Variants in PNPLA6 observed in about 807,000 individuals in gnomAD.
The protein encoded by PNPLA6 is patatin like domain 6, lysophospholipase, also known as patatin-like phospholipase domain-containing protein 6.
PNPLA6 carries 105 observed loss-of-function variants against 153.7 expected under a neutral mutation model. That is an observed-to-expected ratio of 0.68 (90% CI 0.58 to 0.80). The LOEUF (loss-of-function observed/expected upper bound fraction) is 0.80. Among genes scored for constraint, PNPLA6 ranks in the 30% least tolerant of loss-of-function variants. PNPLA6 has a pLI of 0.00. For missense variants in PNPLA6, 1,423 were observed against 1,919.3 expected, an observed-to-expected ratio of 0.74 and a Z score of 4.83; for synonymous variants, 825 against 822.2, an observed-to-expected ratio of 1.00 and a Z score of -0.06.
chr19:7,557,403 G>A, intron 27 of PNPLA6, 119 bp downstream of exon 27: 2 of 726,758 alleles, frequency 2.8e-6, no homozygotes, highest in Non-Finnish European at 5.0e-6. Flanking sequence ...TGCCCATGCA[G>A]GGGTGCAGAC....
chr19:7,544,003 G>A (rs1007396389), intron 13 of PNPLA6, among the ~76,000 whole-genome samples: 18 of 151,406 alleles, frequency 1.2e-4, no homozygotes, highest in African/African-American at 4.4e-4. Context: ...TTACTAGAGA[G>A]GGGGTTTCAC....
chr19:7,556,909 G>C, intron 26 of PNPLA6, 185 bp downstream of exon 26: 1 of 692,444 alleles, frequency 1.4e-6, no homozygotes, highest in Non-Finnish European at 2.6e-6. Context: ...CCGTCCTTGG[G>C]GGAGGGGAGC....
At chr19:7,537,311 G>A (rs540970340) in intron 3 of PNPLA6, among the ~76,000 whole-genome samples, 1 of 152,154 alleles carries the variant, frequency 6.6e-6, no homozygotes, top group Non-Finnish European at 1.5e-5. Context: ...GTTATCTCAG[G>A]CATCTCTGTA....
chr19:7,549,494 C>CTTCTTCTTTT (rs66673863), intron 13 of PNPLA6, among the ~76,000 whole-genome samples: 9 of 136,286 alleles, frequency 6.6e-5, no homozygotes, highest in East Asian at 2.1e-4. Flanking sequence ...CCTTCTTCTT[C>CTTCTTCTTTT]TTTTTTTTTT....
At chr19:7,536,390 C>T (rs1311720864) in intron 2 of PNPLA6, 59 bp from the exon 3 acceptor site, 1 of 1,426,896 alleles carries the variant, frequency 7.0e-7, no homozygotes, top group Non-Finnish European at 9.9e-7. Flanking sequence ...CTGGATCCGT[C>T]TGCCTCTTCT....
chr19:7,542,204 TATTC>T (rs1291516688), intron 10 of PNPLA6, 137 bp downstream of exon 10: 35 of 711,624 alleles, frequency 4.9e-5, no homozygotes, highest in Middle Eastern at 7.4e-4. Flanking sequence ...GTTTTGTAGA[TATTC>T]ATTGAGATAG....
Position 7,554,255 on chromosome 19 carries a change from G to C in PNPLA6, c.2448G>C (p.Gly816=). The change falls in exon 20 of 32, where the codon GGG becomes GGC. Residue 816 remains glycine, a synonymous_variant. Transcript: ENST00000600737. ...GTGACATCATCCGGGCACGCCTGGGGGCCTCCGCACTGGATAGGTGTGTGT... is the reference window on the plus strand; with the variant it reads ...GTGACATCATCCGGGCACGCCTGGGCGCCTCCGCACTGGATAGGTGTGTGT... ...LNSDIIRARL[G]ASALDSIQEF... The C allele has an allele frequency of 6.2e-7, 1 of 1,614,060 alleles. No homozygotes were observed. The highest frequency in any genetic ancestry group is 8.5e-7 in the Non-Finnish European group (1 of 1,179,952).
Position 7,541,816 on chromosome 19 carries a change from C to T in PNPLA6, c.1168+132C>T, listed in dbSNP as rs2023158427. ...CCCACAGGGACTCCATAGCGGGGTA[C>T]CCAGGTCTGACTCCTATCTGGTACC... On this transcript the variant is annotated intron_variant, in intron 9 of 31. Coordinates refer to ENST00000600737, the MANE Select transcript of PNPLA6 (RefSeq NM_001166114.2). The surrounding 1 kb of genome is among the most constrained non-coding windows in gnomAD (Gnocchi z 5.2). 1 of 1,173,262 alleles carries T rather than the reference C, an allele frequency of 8.5e-7. No individual in the cohort carries two copies. The highest frequency in any genetic ancestry group is 1.2e-6 in the Non-Finnish European group (1 of 817,154). 72.7% of individuals were successfully genotyped at this position (1,173,262 alleles called of 1,614,324 possible). A position where few individuals can be genotyped will look rare whatever the true frequency, so the allele number is the denominator to read the frequency against.
At chr19:7,548,561 A>G (rs886870926) in intron 13 of PNPLA6, among the ~76,000 whole-genome samples, 1 of 152,032 alleles carries the variant, frequency 6.6e-6, no homozygotes. Flanking sequence ...ACCTAATACA[A>G]TGTAAATGCT....
chr19:7,560,448 T>C (rs2146120743), intron 28 of PNPLA6, 200 bp from the exon 29 acceptor site: 1 of 634,332 alleles, frequency 1.6e-6, no homozygotes, highest in African/African-American at 1.8e-5. Context: ...CATGGAGAGA[T>C]TGATTGGTAA....
At position 7,550,549 on chromosome 19, in the gene PNPLA6, T is replaced by C. The variant is rs1217120922; in HGVS notation, c.1979T>C (p.Val660Ala). The change falls in exon 16 of 32, where the codon GTG (valine) becomes GCG (alanine). Residue 660 changes from valine to alanine, a missense_variant. By Grantham distance (64) the Val-to-Ala change is moderately conservative (BLOSUM62 0). This residue lies in a region of PNPLA6 where 63 missense variants were observed against 166.2 expected (regional missense o/e 0.38). Transcript: ENST00000600737. The stretch of plus-strand genomic sequence containing the variant: ...GACCGCTCCGACTGCACTTACATCG[T>C]GCTCAATGGGCGGCTGCGTAGCGTG... ...QGDRSDCTYI[V>A]LNGRLRSVIQ... 1 of 1,613,144 alleles carries C rather than the reference T, an allele frequency of 6.2e-7. No homozygotes were observed. The highest frequency in any genetic ancestry group is 8.5e-7 in the Non-Finnish European group (1 of 1,179,924).
At chr19:7,549,530 C>T (rs1179598978) in intron 13 of PNPLA6, among the ~76,000 whole-genome samples, 1 of 147,812 alleles carries the variant, frequency 6.8e-6, no homozygotes, top group Non-Finnish European at 1.5e-5. Flanking sequence ...ACTCTGTCGC[C>T]CAGGCTGGAG....
intron 27 of PNPLA6, 112 bp downstream of exon 27, chr19:7,557,396 C>T: frequency 2.7e-6 from 2 of 743,116 alleles, no homozygotes; most frequent in Non-Finnish European, 4.8e-6. Context: ...CCCAAGCTGC[C>T]CATGCAGGGG....
intron 10 of PNPLA6, 81 bp downstream of exon 10, chr19:7,542,148 T>A: frequency 8.9e-7 from 1 of 1,129,618 alleles, no homozygotes; most frequent in Non-Finnish European, 1.3e-6. Context: ...GTCTTGATTG[T>A]TTTAATCTGC....
upstream of PNPLA6, chr19:7,535,606 T>C (rs1438388228): frequency 6.3e-7 from 1 of 1,596,528 alleles, no homozygotes; most frequent in East Asian, 2.3e-5. This position sits in a 1 kb window ranked among gnomAD's most constrained non-coding sequence, Gnocchi z 5.0. Flanking sequence ...ACCGGGTAGG[T>C]GCCGGCGTGG....
intron 13 of PNPLA6, among the ~76,000 whole-genome samples, chr19:7,549,387 T>C (rs12460411): frequency 0.67 from 101,944 of 151,084 alleles, 34,943 homozygotes; most frequent in South Asian, 0.78. Flanking sequence ...GGGGTTTCAC[T>C]GTATTAGCCA....
intron 16 of PNPLA6, 152 bp downstream of exon 16, chr19:7,550,792 G>A: frequency 1.9e-6 from 2 of 1,066,978 alleles, no homozygotes; most frequent in East Asian, 2.7e-5. Flanking sequence ...ACCTCATTTC[G>A]TTGGAAAAAG....
At position 7,541,349 on chromosome 19, in the gene PNPLA6, T is replaced by C. The variant is rs765510602; in HGVS notation, c.925-5T>C. The C allele has an allele frequency of 1.2e-6, 2 of 1,613,270 alleles. No individual in the cohort carries two copies. The highest frequency in any genetic ancestry group is 1.1e-5 in the South Asian group (1 of 91,060). ...TCTTATGGCCACGCCCCTCGAGCCC[T>C]GCAGATCATCATGGTGCGGCTGCAG... On this transcript the variant is annotated splice_region_variant and splice_polypyrimidine_tract_variant and intron_variant, in intron 7 of 31. Transcript: ENST00000600737. The surrounding 1 kb of genome is among the most constrained non-coding windows in gnomAD (Gnocchi z 5.2).
At chr19:7,548,835 C>T (rs2023509831) in intron 13 of PNPLA6, among the ~76,000 whole-genome samples, 1 of 145,348 alleles carries the variant, frequency 6.9e-6, no homozygotes, top group Non-Finnish European at 1.5e-5. Context: ...CGGAGTCTCG[C>T]TCAGTCGCCC....
Sources: gnomAD v4.1 joint callset for allele counts (sites outside exome capture counted in the v4.1 genomes callset) on GRCh38, gnomAD v4.1.1 for gene constraint, gnomAD v4.1.1 regional missense constraint, Gnocchi (gnomAD v3.1) non-coding constraint, MANE v1.5 for transcripts, NCBI Gene and HGNC (gene_info 2026-07-23, HGNC 2026-07-21) for gene names.